The following MAD1L1 variants were observed in gnomAD, a reference collection of about 807,000 sequenced individuals.
The protein encoded by MAD1L1 is mitotic spindle assembly checkpoint protein MAD1.
A neutral mutation model predicts 96.9 loss-of-function variants in MAD1L1; 95 were observed. That is an observed-to-expected ratio of 0.98 (90% CI 0.83 to 1.16). MAD1L1 has a LOEUF of 1.16. MAD1L1 is among the 50% of genes most tolerant of loss of function. MAD1L1 has a pLI of 0.00. For missense variants in MAD1L1, 1,007 were observed against 954.4 expected (o/e 1.06, Z -0.73); for synonymous variants, 473 against 396.6 (o/e 1.19, Z -2.29).
chr7:2,094,319 A>T (rs1402535817), intron 11 of MAD1L1, among the ~76,000 whole-genome samples: 1 of 152,206 alleles, frequency 6.6e-6, no homozygotes, highest in Admixed American at 6.5e-5. Context: ...CACATCGGGA[A>T]CGGGACACGC....
At chr7:2,180,498 TG>T (rs536743942) in intron 10 of MAD1L1, among the ~76,000 whole-genome samples, 1 of 152,338 alleles carries the variant, frequency 6.6e-6, no homozygotes, top group Non-Finnish European at 1.5e-5. Flanking sequence ...AGAGACTTGA[TG>T]GCCATGGTTA....
chr7:1,852,450 G>C (rs1784027997), intron 18 of MAD1L1, among the ~76,000 whole-genome samples: 1 of 152,176 alleles, frequency 6.6e-6, no homozygotes, highest in South Asian at 2.1e-4. Flanking sequence ...GGGAGTCCAG[G>C]CTCAGGATCC....
chr7:2,210,869 G>A (rs574657968), intron 10 of MAD1L1, among the ~76,000 whole-genome samples: 9 of 144,980 alleles, frequency 6.2e-5, no homozygotes, highest in Admixed American at 2.6e-4. Context: ...CAGAGAGGAC[G>A]CTCGCACCAG....
chr7:2,060,424 TACGCCGATGCTGAGATA>T (rs1381011731), intron 12 of MAD1L1, among the ~76,000 whole-genome samples: 6 of 151,124 alleles, frequency 4.0e-5, no homozygotes, highest in Non-Finnish European at 7.4e-5. Flanking sequence ...GATGCTGAGA[TACGCCGATGCTGAGATA>T]ACGCCGATGC....
intron 12 of MAD1L1, among the ~76,000 whole-genome samples, chr7:2,026,183 C>A (rs904415737): frequency 6.6e-6 from 1 of 152,038 alleles, no homozygotes; most frequent in Non-Finnish European, 1.5e-5. Context: ...GTATTAATAT[C>A]CCAGAAAGGA....
intron 17 of MAD1L1, among the ~76,000 whole-genome samples, chr7:1,928,404 G>A (rs897849737): frequency 1.3e-5 from 2 of 149,990 alleles, no homozygotes; most frequent in African/African-American, 2.5e-5. Flanking sequence ...AGGAGCCCAC[G>A]ACAGAATTGC....
chr7:2,038,537 C>G (rs1242531411), intron 12 of MAD1L1, among the ~76,000 whole-genome samples: 1 of 108,328 alleles, frequency 9.2e-6, no homozygotes, highest in African/African-American at 3.2e-5. Context: ...GAGACACAGT[C>G]TCACTCATTC....
In MAD1L1 at chr7:2,146,967, C is replaced by T. The variant is rs990110690; in HGVS notation, c.1073+2185G>A. ...TCCACACCTCATTGGCCACTGCCAG[C>T]GCTGCCTGTCCTAGGGTCTGCCTCC... On this transcript the variant is annotated intron_variant, in intron 11 of 18. Transcript: ENST00000265854. This position sits in a 1 kb window ranked among gnomAD's most constrained non-coding sequence, Gnocchi z 6.2. Among the ~76,000 whole-genome samples the T allele has an allele frequency of 6.6e-6, 1 of 152,166 alleles. No individual in the cohort carries two copies. The highest frequency in any genetic ancestry group is 2.4e-5 in the African/African-American group (1 of 41,424).
At chr7:1,887,785 ATGTGTGCATGTATGTGGCTGCCTGTG>A (rs1786187704) in intron 18 of MAD1L1, among the ~76,000 whole-genome samples, 1 of 113,722 alleles carries the variant, frequency 8.8e-6, no homozygotes, top group African/African-American at 3.5e-5. Flanking sequence ...GTGTGTGTGC[ATGTGTGCATGTATGTGGCTGCCTGTG>A]TGTGTGTGCA....
chr7:1,843,471 G>A (rs1440795996), intron 18 of MAD1L1, among the ~76,000 whole-genome samples: 1 of 152,308 alleles, frequency 6.6e-6, no homozygotes, highest in East Asian at 1.9e-4. Flanking sequence ...CTTGATGGGC[G>A]TCCACAAGTG....
intron 17 of MAD1L1, among the ~76,000 whole-genome samples, chr7:1,915,128 G>A (rs1788291202): frequency 6.6e-6 from 1 of 152,224 alleles, no homozygotes; most frequent in South Asian, 2.1e-4. Context: ...CAGCAGGTAT[G>A]TGTGGAGAGG....
chr7:2,145,240 ACTCT>A (rs200693593), intron 11 of MAD1L1, among the ~76,000 whole-genome samples: 2 of 152,128 alleles, frequency 1.3e-5, no homozygotes, highest in Admixed American at 1.3e-4. Context: ...CCCCACAGAC[ACTCT>A]CTCTGCTGTA....
chr7:2,123,571 C>A (rs1788083558), intron 11 of MAD1L1, among the ~76,000 whole-genome samples: 1 of 152,168 alleles, frequency 6.6e-6, no homozygotes, highest in African/African-American at 2.4e-5. Context: ...CAGGGAGCAC[C>A]CAGGAGGAGC....
intron 1 of MAD1L1, among the ~76,000 whole-genome samples, chr7:2,231,510 G>A (rs949649579): frequency 7.3e-4 from 111 of 152,080 alleles, no homozygotes; most frequent in African/African-American, 2.6e-3. Flanking sequence ...CGGAGGCTGG[G>A]ACAGGAGATT....
intron 10 of MAD1L1, among the ~76,000 whole-genome samples, chr7:2,207,622 C>G (rs1292940315): frequency 6.6e-6 from 1 of 152,216 alleles, no homozygotes; most frequent in East Asian, 1.9e-4. Flanking sequence ...ACACCTCACT[C>G]TGCCAACCTG....
chr7:2,010,505 C>G (rs564354570), intron 13 of MAD1L1, among the ~76,000 whole-genome samples: 2 of 152,326 alleles, frequency 1.3e-5, no homozygotes, highest in Middle Eastern at 6.8e-3. Flanking sequence ...ATTTATAGCT[C>G]TATCCACAGA....
At position 2,088,162 on chromosome 7, in the gene MAD1L1, C is replaced by T. The variant is rs1786022723; in HGVS notation, c.1074-18824G>A. 6.6e-6 allele frequency among the ~76,000 whole-genome samples: 1 copy of T among 152,202 alleles called. No individual in the cohort carries two copies. Among genetic ancestry groups the T allele is most frequent in the Admixed American group, 6.5e-5 (1 of 15,278 alleles). ...GAAATATGGGGGCCCACGTGCATGG[C>T]CACAGAACAGTGGACGAGGTCGGGC... On this transcript the variant is annotated intron_variant, in intron 11 of 18. Coordinates refer to ENST00000265854, the MANE Select transcript of MAD1L1 (RefSeq NM_001013836.2). This position sits in a 1 kb window ranked among gnomAD's most constrained non-coding sequence, Gnocchi z 4.4.
chr7:1,866,157 G>A (rs1386110588), intron 18 of MAD1L1, among the ~76,000 whole-genome samples: 1 of 152,238 alleles, frequency 6.6e-6, no homozygotes, highest in Non-Finnish European at 1.5e-5. Context: ...GGGCCAGAAC[G>A]CCCGGGTGCA....
intron 12 of MAD1L1, among the ~76,000 whole-genome samples, chr7:2,068,564 G>A (rs1411272614): frequency 1.3e-5 from 2 of 152,200 alleles, no homozygotes; most frequent in Non-Finnish European, 2.9e-5. Context: ...CAGCAAACTG[G>A]ACACCCGCCC....
Sources: gnomAD v4.1 joint callset for allele counts (sites outside exome capture counted in the v4.1 genomes callset) on GRCh38, gnomAD v4.1.1 for gene constraint, Gnocchi (gnomAD v3.1) non-coding constraint, MANE v1.5 for transcripts, NCBI Gene and HGNC (gene_info 2026-07-23, HGNC 2026-07-21) for gene names.